PCDH9: variants seen among roughly 807,000 people sequenced by gnomAD.
PCDH9 encodes the protein protocadherin 9.
PCDH9 carries 24 observed loss-of-function variants against 70.6 expected under a neutral mutation model. That is an observed-to-expected ratio of 0.34 (90% CI 0.25 to 0.48). The LOEUF is 0.48. Among genes scored for constraint, PCDH9 ranks in the 20% least tolerant of loss-of-function variants. PCDH9 has a pLI of 0.99. For synonymous variants in PCDH9, 562 were observed against 558.5 expected, an observed-to-expected ratio of 1.01 and a Z score of -0.09; for missense variants, 1,281 against 1,503.6, an observed-to-expected ratio of 0.85 and a Z score of 2.45.
At chr13:67,032,211 A>G (rs2139887335) in intron 2 of PCDH9, among the ~76,000 whole-genome samples, 1 of 152,242 alleles carries the variant, frequency 6.6e-6, no homozygotes, top group Middle Eastern at 3.4e-3. Context: ...TGGCACAATC[A>G]TGGCTCACTG....
intron 4 of PCDH9, among the ~76,000 whole-genome samples, chr13:66,558,560 A>C (rs1220625383): frequency 6.6e-6 from 1 of 151,948 alleles, no homozygotes; most frequent in Non-Finnish European, 1.5e-5. Context: ...CCTCCAAAAC[A>C]CTCTGGCACA....
chr13:67,169,993 CCT>C (rs2088234507), intron 2 of PCDH9, among the ~76,000 whole-genome samples: 1 of 152,148 alleles, frequency 6.6e-6, no homozygotes, highest in Non-Finnish European at 1.5e-5. Flanking sequence ...CGATTATAAT[CCT>C]GCTTCTCCTC....
At chr13:66,461,302 T>C (rs924114703) in intron 4 of PCDH9, among the ~76,000 whole-genome samples, 2 of 151,918 alleles carry the variant, frequency 1.3e-5, no homozygotes, top group Non-Finnish European at 2.9e-5. Context: ...ACTAAATAAA[T>C]CATCTTTAGC....
At chr13:66,933,512 T>C (rs978660614) in intron 2 of PCDH9, among the ~76,000 whole-genome samples, 3 of 152,238 alleles carry the variant, frequency 2.0e-5, no homozygotes, top group African/African-American at 7.2e-5. Context: ...TTTGTATTGC[T>C]ACAATAGCAA....
chr13:67,103,090 G>GT (rs1196447795), intron 2 of PCDH9, among the ~76,000 whole-genome samples: 1 of 151,906 alleles, frequency 6.6e-6, no homozygotes, highest in Non-Finnish European at 1.5e-5. Context: ...GTTTTTAAAT[G>GT]TTTTTTAAAA....
chr13:66,778,543 CA>C (rs1457294694), intron 3 of PCDH9, among the ~76,000 whole-genome samples: 1 of 152,156 alleles, frequency 6.6e-6, no homozygotes, highest in Non-Finnish European at 1.5e-5. Flanking sequence ...ACATCCTGTT[CA>C]CTGAGTTACA....
intron 3 of PCDH9, among the ~76,000 whole-genome samples, chr13:66,670,912 T>TAAAA (rs35287889): frequency 1.7e-5 from 2 of 120,232 alleles, no homozygotes; most frequent in Non-Finnish European, 3.4e-5. Context: ...TGTTCTTATT[T>TAAAA]AAAAAAAAAA....
chr13:67,029,496 G>A (rs2084861458), intron 2 of PCDH9, among the ~76,000 whole-genome samples: 1 of 151,960 alleles, frequency 6.6e-6, no homozygotes, highest in Admixed American at 6.6e-5. Flanking sequence ...CTTCTAAAAA[G>A]AGCTCTTCAG....
At chr13:67,066,565 T>C (rs559551535) in intron 2 of PCDH9, among the ~76,000 whole-genome samples, 1 of 152,098 alleles carries the variant, frequency 6.6e-6, no homozygotes, top group South Asian at 2.1e-4. Context: ...CCAAAGAGAG[T>C]AGAGAATGCA....
chr13:66,775,188 G>A (rs1406159459), intron 3 of PCDH9, among the ~76,000 whole-genome samples: 2 of 152,174 alleles, frequency 1.3e-5, no homozygotes, highest in African/African-American at 4.8e-5. Context: ...TAGAAAGTGG[G>A]ATAAAGAGAT....
intron 2 of PCDH9, among the ~76,000 whole-genome samples, chr13:66,913,687 TC>T (rs1436076279): frequency 1.3e-5 from 2 of 152,026 alleles, no homozygotes; most frequent in African/African-American, 4.8e-5. Context: ...ATTTGCTCAT[TC>T]GCTTAATATC....
At chr13:67,106,470 A>G (rs756965944) in intron 2 of PCDH9, among the ~76,000 whole-genome samples, 5 of 152,264 alleles carry the variant, frequency 3.3e-5, no homozygotes, top group Non-Finnish European at 7.3e-5. Context: ...GAGGTTAATC[A>G]TCAGTTGTGA....
intron 3 of PCDH9, among the ~76,000 whole-genome samples, chr13:66,728,291 C>T (rs908598841): frequency 1.3e-4 from 20 of 152,260 alleles, no homozygotes; most frequent in African/African-American, 3.8e-4. Flanking sequence ...CCTTTGTACA[C>T]TGGAGTTTCC....
At chr13:66,438,769 G>C (rs1957922472) in intron 4 of PCDH9, among the ~76,000 whole-genome samples, 1 of 152,170 alleles carries the variant, frequency 6.6e-6, no homozygotes, top group Non-Finnish European at 1.5e-5. Context: ...CCAAGAATCT[G>C]TTCTTTGACC....
At chr13:66,379,975 G>C (rs1956816087) in intron 4 of PCDH9, among the ~76,000 whole-genome samples, 1 of 152,188 alleles carries the variant, frequency 6.6e-6, no homozygotes, top group East Asian at 1.9e-4. Context: ...TCAATTTTTA[G>C]ATAGAGAAGA....
chr13:66,408,021 T>C (rs1957308522), intron 4 of PCDH9, among the ~76,000 whole-genome samples: 3 of 151,078 alleles, frequency 2.0e-5, no homozygotes, highest in Admixed American at 1.3e-4. Flanking sequence ...ATATCCTCAA[T>C]AGAAACAAAG....
chr13:66,918,167 A>AAC (rs893695997), intron 2 of PCDH9, among the ~76,000 whole-genome samples: 47 of 151,340 alleles, frequency 3.1e-4, no homozygotes, highest in African/African-American at 1.1e-3. Context: ...GATACAGTCT[A>AAC]AAGTAAACAG....
At chr13:67,019,340 C>T (rs2084628894) in intron 2 of PCDH9, among the ~76,000 whole-genome samples, 1 of 151,558 alleles carries the variant, frequency 6.6e-6, no homozygotes, top group African/African-American at 2.4e-5. Context: ...ACTACAGGTG[C>T]CCGCCACCAT....
At chr13:66,477,130 A>G (rs1291071268) in intron 4 of PCDH9, among the ~76,000 whole-genome samples, 1 of 152,164 alleles carries the variant, frequency 6.6e-6, no homozygotes, top group African/African-American at 2.4e-5. Flanking sequence ...TTCAATGTGC[A>G]TGTCTGTCTA....
Sources: gnomAD v4.1 joint callset for allele counts (sites outside exome capture counted in the v4.1 genomes callset) on GRCh38, gnomAD v4.1.1 for gene constraint, MANE v1.5 for transcripts, NCBI Gene and HGNC (gene_info 2026-07-23, HGNC 2026-07-21) for gene names.